Variants in NBAS observed in about 807,000 individuals in gnomAD.
NBAS encodes the protein NAG/BC035112 fusion.
A neutral mutation model predicts 302.5 loss-of-function variants in NBAS; 219 were observed. The observed-to-expected ratio is 0.72, with a 90% confidence interval of 0.65 to 0.81. NBAS has a LOEUF of 0.81. Ranked by LOEUF, NBAS falls within the 30% of genes least tolerant of loss-of-function variation. The pLI is 0.00. For missense variants in NBAS, 2,932 were observed against 2,841.6 expected (o/e 1.03, Z -0.72); for synonymous variants, 1,118 against 1,021.6 (o/e 1.09, Z -1.80).
At position 15,287,178 on chromosome 2, in the gene NBAS, A is replaced by G. The variant is rs776894540; in HGVS notation, c.5033T>C (p.Leu1678Pro). ...AGCAATGCTGTAGACGCTTTCCTCT[A>G]GAGTTCTGCAGAAATGTCCATCAAG... Reference protein sequence around the residue: ...RETILGLAETLEESVYSIAIS... With the variant: ...RETILGLAETPEESVYSIAIS... The change falls in exon 42 of 52, where the codon CTA becomes CCA. Residue 1678 changes from leucine (L) to proline (P), a missense_variant. Leu to Pro is a moderately conservative substitution (Grantham distance 98, BLOSUM62 -3). Coordinates refer to ENST00000281513, the MANE Select transcript of NBAS (RefSeq NM_015909.4). 2 of 1,612,072 alleles carry G rather than the reference A, an allele frequency of 1.2e-6. No homozygotes were observed. The highest frequency in any genetic ancestry group is 1.7e-6 in the Non-Finnish European group (2 of 1,178,210).
chr2:15,554,150 A>T lies in NBAS; in HGVS notation c.210-12T>A, dbSNP rs1376730164. The T allele has an allele frequency of 1.9e-6, 3 of 1,609,526 alleles. No homozygotes were observed. The highest frequency in any genetic ancestry group is 8.5e-7 in the Non-Finnish European group (1 of 1,176,652). Reference sequence around the variant, plus strand: ...AAAAAGGTGCCGGGCTGAAATCACAACACATTAGTTAGCTTAAAATCTAAT... The same window carrying T: ...AAAAAGGTGCCGGGCTGAAATCACATCACATTAGTTAGCTTAAAATCTAAT... On this transcript the variant is annotated splice_polypyrimidine_tract_variant and intron_variant, in intron 3 of 51. Coordinates refer to ENST00000281513, the MANE Select transcript of NBAS (RefSeq NM_015909.4).
At chr2:15,392,094 A>G (rs1417815191) in intron 28 of NBAS, among the ~76,000 whole-genome samples, 6 of 152,072 alleles carry the variant, frequency 3.9e-5, no homozygotes, top group Non-Finnish European at 7.4e-5. Flanking sequence ...GTCTACATAA[A>G]CAATAAAAAG....
chr2:15,357,591 C>T (rs931528803), intron 32 of NBAS, among the ~76,000 whole-genome samples: 5 of 152,134 alleles, frequency 3.3e-5, no homozygotes, highest in African/African-American at 1.2e-4. Context: ...TCTTAAACTC[C>T]TGGGCTCAAG....
chr2:15,491,988 G>C (rs1183956268), intron 11 of NBAS, among the ~76,000 whole-genome samples: 1 of 152,126 alleles, frequency 6.6e-6, no homozygotes, highest in Non-Finnish European at 1.5e-5. Flanking sequence ...TAACTAGAAT[G>C]TTCCCACTTG....
At chr2:15,045,953 G>A in the NBAS span, among the ~76,000 whole-genome samples, 1 of 152,082 alleles carries the variant, frequency 6.6e-6, no homozygotes, top group Non-Finnish European at 1.5e-5. Flanking sequence ...GCAGACCCAG[G>A]GCTTCCCTGT....
At chr2:15,125,333 A>G in the NBAS span, among the ~76,000 whole-genome samples, 1 of 152,216 alleles carries the variant, frequency 6.6e-6, no homozygotes, top group Non-Finnish European at 1.5e-5. Flanking sequence ...CAGAAGATGA[A>G]GCAGGAGCAG....
chr2:15,553,713 T>C (rs1222870763), intron 4 of NBAS, among the ~76,000 whole-genome samples: 1 of 150,112 alleles, frequency 6.7e-6, no homozygotes, highest in Non-Finnish European at 1.5e-5. Flanking sequence ...CCCATCTCTC[T>C]CCCTCTCTCC....
chr2:15,291,657 G>A (rs1394806820), intron 41 of NBAS, among the ~76,000 whole-genome samples: 2 of 152,160 alleles, frequency 1.3e-5, no homozygotes, highest in Non-Finnish European at 2.9e-5. Flanking sequence ...AGGGGGAAGG[G>A]ACTAAAGGAG....
intron 9 of NBAS, among the ~76,000 whole-genome samples, chr2:15,513,825 C>CAA (rs112594988): frequency 1.4e-5 from 2 of 138,084 alleles, no homozygotes; most frequent in Non-Finnish European, 3.2e-5. Flanking sequence ...CTCATCTCTA[C>CAA]AAAAAAAAAA....
chr2:15,332,242 G>A (rs78109068), intron 35 of NBAS, among the ~76,000 whole-genome samples: 1,841 of 152,192 alleles, frequency 0.012, 51 homozygotes, highest in East Asian at 0.11. Flanking sequence ...CAGCCTTGTC[G>A]GCACCTTGAT....
At chr2:15,026,969 A>G in the NBAS span, among the ~76,000 whole-genome samples, 8 of 152,096 alleles carry the variant, frequency 5.3e-5, no homozygotes, top group Non-Finnish European at 2.9e-5. Flanking sequence ...TTATTTTTCC[A>G]TTCATAAACT....
chr2:15,086,262 G>C, the NBAS span, among the ~76,000 whole-genome samples: 1 of 152,154 alleles, frequency 6.6e-6, no homozygotes, highest in East Asian at 1.9e-4. Context: ...CCTCTGAGAG[G>C]AGCTTCCCAC....
chr2:15,541,403 G>A (rs530084658), intron 6 of NBAS, among the ~76,000 whole-genome samples: 3 of 152,102 alleles, frequency 2.0e-5, no homozygotes, highest in Non-Finnish European at 4.4e-5. Context: ...GACTACCAAT[G>A]AAATGTGAAT....
At position 15,244,978 on chromosome 2, in the gene NBAS, CCTT is replaced by C. The variant is rs147470665; in HGVS notation, c.5725-6295_5725-6293del. ...TCACACCCGATTTTCCAGTCCCACT[CCTT>C]CTCCTGACAAGGTACTTGAGGAGAC... On this transcript the variant is annotated intron_variant, in intron 44 of 51. Coordinates refer to ENST00000281513, the MANE Select transcript of NBAS (RefSeq NM_015909.4). Among the ~76,000 whole-genome samples, 380 of 152,216 alleles carry C rather than the reference CCTT, an allele frequency of 2.5e-3. 3 individuals are homozygous for C. Among genetic ancestry groups the C allele is most frequent in the African/African-American group, 8.6e-3 (358 of 41,530 alleles).
chr2:15,289,370 G>A (rs1018690880), intron 41 of NBAS, among the ~76,000 whole-genome samples: 5 of 152,128 alleles, frequency 3.3e-5, no homozygotes, highest in Admixed American at 6.5e-5. Context: ...CCAAAGTGCT[G>A]GGATTACAGG....
At chr2:14,904,008 C>T in the NBAS span, among the ~76,000 whole-genome samples, 7 of 152,182 alleles carry the variant, frequency 4.6e-5, 1 homozygote, top group Admixed American at 2.0e-4. Flanking sequence ...TTAGGTTGGG[C>T]GAGGCGCTCC....
the NBAS span, among the ~76,000 whole-genome samples, chr2:14,780,607 C>A: frequency 2.6e-5 from 4 of 152,202 alleles, no homozygotes; most frequent in African/African-American, 9.7e-5. Flanking sequence ...GCTAGTTGTA[C>A]CTTCTTCATA....
intron 35 of NBAS, among the ~76,000 whole-genome samples, chr2:15,333,545 C>T (rs921476469): frequency 2.6e-5 from 4 of 151,984 alleles, no homozygotes; most frequent in East Asian, 1.9e-4. Context: ...AAATAATTAG[C>T]GACTGAATTG....
At chr2:15,417,036 G>A (rs142288647) in intron 24 of NBAS, among the ~76,000 whole-genome samples, 14 of 152,214 alleles carry the variant, frequency 9.2e-5, no homozygotes, top group Non-Finnish European at 1.6e-4. Context: ...CTCAGTGGCC[G>A]GAGTACAAAT....
Sources: allele counts gnomAD v4.1 joint callset (sites outside exome capture counted in the v4.1 genomes callset), GRCh38; gene constraint gnomAD v4.1.1; transcripts MANE v1.5; gene names NCBI Gene and HGNC (gene_info 2026-07-23, HGNC 2026-07-21).